Variants in PCNX4 observed in about 807,000 individuals in gnomAD.
PCNX4 encodes the protein pecanex-like protein 4.
PCNX4 carries 103 observed loss-of-function variants against 107.2 expected under a neutral mutation model. The ratio of observed to expected loss-of-function variants is 0.96; its 90% CI spans 0.82 to 1.13. PCNX4 has a LOEUF of 1.13. PCNX4 is among the 50% of genes most tolerant of loss of function. PCNX4 has a pLI of 0.00. For synonymous variants in PCNX4, 541 were observed against 481.7 expected (o/e 1.12, Z -1.61); for missense variants, 1,528 against 1,379.4 (o/e 1.11, Z -1.71).
chr14:60,128,194 G>A (rs576143764), intron 10 of PCNX4, among the ~76,000 whole-genome samples: 1 of 152,244 alleles, frequency 6.6e-6, no homozygotes, highest in South Asian at 2.1e-4. Flanking sequence ...AATAATGGCT[G>A]AAACTTCTTA....
In PCNX4 at chr14:60,113,038, T is replaced by C. The variant is rs569054879; in HGVS notation, c.690-1662T>C. Among the ~76,000 whole-genome samples, 446 of 152,114 alleles carry C rather than the reference T, an allele frequency of 2.9e-3. 1 individual carries two copies. The highest frequency in any genetic ancestry group is 0.01 in the African/African-American group (418 of 41,538). On this transcript the variant is annotated intron_variant, in intron 2 of 10. Coordinates refer to ENST00000406854, the MANE Select transcript of PCNX4 (RefSeq NM_001330177.2). The stretch of plus-strand genomic sequence containing the variant: ...CTCTACTAAAAATACAAAAATTAGC[T>C]GGGCGTGGTGGCGTGTGCCTGTAGT...
rs781406779 is a variant in PCNX4, at chr14:60,124,421, T to C, written c.2250T>C (p.His750=). The C allele has an allele frequency of 9.9e-6, 16 of 1,613,522 alleles. No homozygotes were observed. Among genetic ancestry groups the C allele is most frequent in the African/African-American group, 1.3e-5 (1 of 74,906 alleles). The change falls in exon 9 of 11, where the codon CAT becomes CAC. Residue 750 remains histidine (H), a synonymous_variant. Coordinates refer to ENST00000406854, the MANE Select transcript of PCNX4 (RefSeq NM_001330177.2). The stretch of plus-strand genomic sequence containing the variant: ...TTCTATCAGGCATAATTGATTCTCA[T>C]GAAAACTTAAAAGAATTTAAAGGTG... The part of the protein sequence containing the change: ...RNVLSGIIDS[H]ENLKEFKGDL...
Position 60,125,691 on chromosome 14 carries a change from T to C in PCNX4, c.3135T>C (p.Phe1045=). 5.0e-6 allele frequency: 8 copies of C among 1,600,176 alleles called. No individual in the cohort carries two copies. The highest frequency in any genetic ancestry group is 2.3e-5 in the East Asian group (1 of 44,392). The change falls in exon 10 of 11, where the codon TTT becomes TTC. Residue 1045 remains phenylalanine (F), a synonymous_variant. Coordinates refer to ENST00000406854, the MANE Select transcript of PCNX4 (RefSeq NM_001330177.2). ...CAAGTTTAGGTCCAATAGAAGACTT[T>C]AGAGAACTGATTAAGTACCTTGAAG... ...DKASLGPIED[F]RELIKYLEEY...
At chr14:60,116,282 T>A (rs919337277) in intron 6 of PCNX4, among the ~76,000 whole-genome samples, 2 of 152,214 alleles carry the variant, frequency 1.3e-5, no homozygotes, top group African/African-American at 4.8e-5. Flanking sequence ...TTTCTGTCTT[T>A]ATGGATTTGC....
In PCNX4 at chr14:60,134,182, G is replaced by T; in HGVS notation, c.3480G>T (p.Pro1160=). 6.2e-7 allele frequency: 1 copy of T among 1,613,600 alleles called. No homozygotes were observed. The highest frequency in any genetic ancestry group is 1.1e-5 in the South Asian group (1 of 91,078). ...CAGCAGAACCTCCCCTGGGATATCC[G>T]ATTTATTCTTCAAAACCTCTCCACA... The part of the protein sequence containing the change: ...VQAAEPPLGY[P]IYSSKPLHIH... Residue 1160 remains proline, a synonymous_variant, in exon 11 of 11, where the codon CCG becomes CCT. Coordinates refer to ENST00000406854, the MANE Select transcript of PCNX4 (RefSeq NM_001330177.2).
At chr14:60,131,819 A>G (rs1234940126) in intron 10 of PCNX4, among the ~76,000 whole-genome samples, 2 of 152,240 alleles carry the variant, frequency 1.3e-5, no homozygotes, top group Non-Finnish European at 2.9e-5. Context: ...TAATCAAAAC[A>G]GTATGGTACT....
intron 1 of PCNX4, among the ~76,000 whole-genome samples, chr14:60,102,471 T>G (rs1308142753): frequency 6.6e-6 from 1 of 152,188 alleles, no homozygotes; most frequent in Non-Finnish European, 1.5e-5. Context: ...ACATACAGTT[T>G]TGGTAACTAA....
chr14:60,102,498 G>A (rs968720158), intron 1 of PCNX4, among the ~76,000 whole-genome samples: 2 of 152,186 alleles, frequency 1.3e-5, no homozygotes, highest in East Asian at 1.9e-4. Flanking sequence ...CTCTCAGTAC[G>A]TTGCCAGATT....
chr14:60,121,426 GGGATTTTTAAA>G, intron 8 of PCNX4, 127 bp downstream of exon 8: 1 of 1,001,950 alleles, frequency 1.0e-6, no homozygotes, highest in South Asian at 1.8e-5. Flanking sequence ...AAAACACCTA[GGGATTTTTAAA>G]GTATATTTCA....
chr14:60,124,059 C>T (rs899494970), intron 8 of PCNX4, among the ~76,000 whole-genome samples, 159 bp from the exon 9 acceptor site: 1 of 151,908 alleles, frequency 6.6e-6, no homozygotes, highest in Non-Finnish European at 1.5e-5. Context: ...TGTTAAGTGC[C>T]ATTAACTTTA....
chr14:60,114,588 GT>G (rs1364025763), intron 2 of PCNX4, 111 bp from the exon 3 acceptor site: 182 of 727,996 alleles, frequency 2.5e-4, no homozygotes, highest in Middle Eastern at 3.3e-4. Context: ...GTGTGTGTGT[GT>G]GGTTTTTTTT....
Position 60,144,695 on chromosome 14 carries a change from A to G in PCNX4, c.*10474A>G. On this transcript the variant is annotated 3_prime_UTR_variant, in exon 11 of 11. Transcript: ENST00000406854. ...TAGCAGCACAAATGGACTAAGACAA[A>G]TCTGTTAACTTAGATTTTAAGCATA... 3.0e-6 allele frequency: 1 copy of G among 333,378 alleles called. No homozygotes were observed. The highest frequency in any genetic ancestry group is 5.4e-6 in the Non-Finnish European group (1 of 185,516). 20.7% of individuals were successfully genotyped at this position (333,378 alleles called of 1,614,324 possible). A position where few individuals can be genotyped will look rare whatever the true frequency, so the allele number is the denominator to read the frequency against.
intron 2 of PCNX4, chr14:60,109,117 C>G (rs1264638498): frequency 6.0e-6 from 1 of 166,922 alleles, no homozygotes; most frequent in African/African-American, 2.4e-5. Context: ...GAAGAGGTAC[C>G]AGAGAGCTTG....
At chr14:60,104,987 G>A (rs1166924738) in intron 1 of PCNX4, among the ~76,000 whole-genome samples, 1 of 152,172 alleles carries the variant, frequency 6.6e-6, no homozygotes, top group Non-Finnish European at 1.5e-5. Flanking sequence ...AAATCCTTGA[G>A]ACCAGAAGTG....
In PCNX4 at chr14:60,144,810, T is replaced by C. The variant is rs409866; in HGVS notation, c.*10589T>C. ...CAAGATTCATGGCAATCTTTTATTA[T>C]TTATTTTTTATTTCATTCCATGTTG... On this transcript the variant is annotated 3_prime_UTR_variant, in exon 11 of 11. Coordinates refer to ENST00000406854, the MANE Select transcript of PCNX4 (RefSeq NM_001330177.2). The C allele has an allele frequency of 0.2, 133,915 of 655,360 alleles. 18,462 individuals carry two copies. The highest frequency in any genetic ancestry group is 0.51 in the African/African-American group (26,998 of 53,084). 40.6% of individuals were successfully genotyped at this position (655,360 alleles called of 1,614,324 possible).
In PCNX4 at chr14:60,118,659, G is replaced by A. The variant is rs1366003330; in HGVS notation, c.1909G>A (p.Val637Ile). 1.9e-6 allele frequency: 3 copies of A among 1,601,666 alleles called. No individual in the cohort carries two copies. Among genetic ancestry groups the A allele is most frequent in the Admixed American group, 1.7e-5 (1 of 58,798 alleles). ...CCAAATGGTGCCCAGGTTGACTGCT[G>A]TACTGCAGACTGCAATGGCAGCTGG... ...YYQMVPRLTA[V>I]LQTAMAAGSL... The change falls in exon 7 of 11, where the codon GTA becomes ATA. Residue 637 changes from valine to isoleucine, a missense_variant. Val to Ile is a conservative substitution (Grantham distance 29). Coordinates refer to ENST00000406854, the MANE Select transcript of PCNX4 (RefSeq NM_001330177.2).
intron 1 of PCNX4, among the ~76,000 whole-genome samples, chr14:60,106,775 A>T (rs926454902): frequency 1.4e-5 from 2 of 148,014 alleles, no homozygotes; most frequent in African/African-American, 4.9e-5. Flanking sequence ...TATTTAATTT[A>T]AGATGGCTTT....
chr14:60,139,658 C>T lies in PCNX4; in HGVS notation c.*5437C>T, dbSNP rs1370009676. ...ACAACTGCAAAATACACATTATTTT[C>T]AAATGCAGATAGAATATTTATCAAA... On this transcript the variant is annotated 3_prime_UTR_variant, in exon 11 of 11. Transcript: ENST00000406854. 6.6e-6 allele frequency: 1 copy of T among 151,960 alleles called. No homozygotes were observed. The highest frequency in any genetic ancestry group is 1.5e-5 in the Non-Finnish European group (1 of 67,918). 9.4% of individuals were successfully genotyped at this position (151,960 alleles called of 1,614,324 possible). A position where few individuals can be genotyped will look rare whatever the true frequency, so the allele number is the denominator to read the frequency against.
chr14:60,114,589 TG>T, intron 2 of PCNX4, 110 bp from the exon 3 acceptor site: 1 of 603,576 alleles, frequency 1.7e-6, no homozygotes, highest in Non-Finnish European at 2.7e-6. Flanking sequence ...TGTGTGTGTG[TG>T]GTTTTTTTTT....
Sources: gnomAD v4.1 joint callset for allele counts (sites outside exome capture counted in the v4.1 genomes callset) on GRCh38, gnomAD v4.1.1 for gene constraint, MANE v1.5 for transcripts, NCBI Gene and HGNC (gene_info 2026-07-23, HGNC 2026-07-21) for gene names.